SCN1A: variants seen among roughly 807,000 people sequenced by gnomAD.
SCN1A encodes the protein sodium channel protein type 1 subunit alpha.
In SCN1A, 13 loss-of-function variants were observed where a neutral mutation model predicts 193.7. The observed-to-expected ratio is 0.07, with a 90% CI of 0.04 to 0.11. The LOEUF is 0.11. Ranked by LOEUF, SCN1A falls within the 10% of genes least tolerant of loss-of-function variation. SCN1A has a pLI of 1.00. For synonymous variants in SCN1A, 781 were observed against 843.6 expected (o/e 0.93, Z 1.29); for missense variants, 1,432 against 2,451.1 (o/e 0.58, Z 8.78).
At chr2:166,048,190 TTC>T (rs1381097989) in intron 10 of SCN1A, among the ~76,000 whole-genome samples, 3 of 152,104 alleles carry the variant, frequency 2.0e-5, no homozygotes, top group African/African-American at 7.2e-5. Context: ...ATAGATATTT[TTC>T]TCTTTTTTTA....
At chr2:165,994,028 T>G (rs1689652648) in intron 28 of SCN1A, 118 bp downstream of exon 28, 9 of 839,334 alleles carry the variant, frequency 1.1e-5, no homozygotes, top group Non-Finnish European at 1.3e-5. Context: ...TTGGATAAAA[T>G]GTATCAAAAT....
intron 1 of SCN1A, among the ~76,000 whole-genome samples, chr2:166,139,686 A>G (rs577005164): frequency 1.4e-4 from 21 of 152,238 alleles, no homozygotes; most frequent in Non-Finnish European, 2.5e-4. Flanking sequence ...CACATCTTAC[A>G]TGGCAGCAGG....
intron 18 of SCN1A, 121 bp downstream of exon 18, chr2:166,037,654 TC>T: frequency 1.1e-5 from 9 of 791,746 alleles, no homozygotes; most frequent in South Asian, 1.0e-4. Context: ...TAAATTATAC[TC>T]TTTTTTTTTA....
chr2:166,135,381 G>C (rs966430244), intron 1 of SCN1A, among the ~76,000 whole-genome samples: 23 of 142,168 alleles, frequency 1.6e-4, no homozygotes, highest in Non-Finnish European at 2.9e-4. Flanking sequence ...CAAATATGTA[G>C]TTTCTGTTTC....
chr2:165,991,789 G>A lies in SCN1A; in HGVS notation c.5486C>T (p.Ser1829Phe). The A allele has an allele frequency of 1.2e-6, 2 of 1,613,952 alleles. No individual in the cohort carries two copies. The highest frequency in any genetic ancestry group is 1.7e-6 in the Non-Finnish European group (2 of 1,179,930). The change falls in exon 29 of 29, where the codon TCT becomes TTT. Residue 1829 changes from serine (S) to phenylalanine (F), a missense_variant. Transcript: ENST00000674923. ...CGGTTCAAGCGCAGCTGCAAACTGA[G>A]ATAATTTTTCAAATTCCATGAACTG... ...ATQFMEFEKLSQFAAALEPPL... is the reference protein window; with the variant it reads ...ATQFMEFEKLFQFAAALEPPL...
intron 19 of SCN1A, among the ~76,000 whole-genome samples, chr2:166,027,716 A>G (rs1243081393): frequency 1.3e-5 from 2 of 151,990 alleles, no homozygotes; most frequent in Non-Finnish European, 2.9e-5. Flanking sequence ...GTACTTTACT[A>G]TTGTGACACA....
intron 19 of SCN1A, among the ~76,000 whole-genome samples, chr2:166,019,843 A>C (rs1408023584): frequency 6.6e-6 from 1 of 152,056 alleles, no homozygotes; most frequent in Non-Finnish European, 1.5e-5. Context: ...TTTTCAACTT[A>C]GAGTTCCAAC....
intron 2 of SCN1A, among the ~76,000 whole-genome samples, chr2:166,123,801 G>A (rs965629316): frequency 2.6e-5 from 4 of 152,080 alleles, no homozygotes; most frequent in African/African-American, 9.7e-5. Flanking sequence ...GTCGGGGGCA[G>A]TTAGAGCCCT....
chr2:166,138,769 C>T (rs1229967979), intron 1 of SCN1A, among the ~76,000 whole-genome samples: 2 of 152,132 alleles, frequency 1.3e-5, no homozygotes, highest in Non-Finnish European at 2.9e-5. Flanking sequence ...CACCATCCTC[C>T]AGACCCCAGA....
intron 2 of SCN1A, among the ~76,000 whole-genome samples, chr2:166,116,875 C>G (rs1230838611): frequency 6.6e-6 from 1 of 152,032 alleles, no homozygotes; most frequent in Non-Finnish European, 1.5e-5. Flanking sequence ...AACCATATTT[C>G]TAAAAGAAAA....
upstream of SCN1A, among the ~76,000 whole-genome samples, chr2:166,128,999 T>C (rs919536458): frequency 4.0e-5 from 6 of 151,320 alleles, no homozygotes; most frequent in African/African-American, 1.5e-4. Context: ...AGTAAATATT[T>C]CATCCTCATT....
intron 28 of SCN1A, 103 bp downstream of exon 28, chr2:165,994,043 A>T: frequency 2.2e-6 from 2 of 928,480 alleles, no homozygotes; most frequent in Non-Finnish European, 3.3e-6. Context: ...CAAAATATTT[A>T]CAGTGATTAT....
chr2:166,072,843 T>TC (rs1352843843), intron 4 of SCN1A, among the ~76,000 whole-genome samples: 172 of 123,938 alleles, frequency 1.4e-3, no homozygotes, highest in African/African-American at 7.8e-3. Flanking sequence ...CTTTCTTTTT[T>TC]TTTTTTTTTT....
chr2:166,042,185 CTTT>C, intron 15 of SCN1A, 104 bp downstream of exon 15: 1 of 1,093,982 alleles, frequency 9.1e-7, no homozygotes. Flanking sequence ...ATTAGACTGT[CTTT>C]TCATTAGAAT....
downstream of SCN1A, chr2:165,985,783 A>T (rs1256795012): frequency 6.6e-6 from 1 of 152,180 alleles, no homozygotes; most frequent in African/African-American, 2.4e-5. Context: ...TCCATGTGCC[A>T]GGAAGAATAG....
intron 19 of SCN1A, among the ~76,000 whole-genome samples, chr2:166,030,037 C>A (rs1208414760): frequency 6.6e-6 from 1 of 152,154 alleles, no homozygotes; most frequent in African/African-American, 2.4e-5. Flanking sequence ...GCCCAATGTG[C>A]AGTGATTGGA....
intron 2 of SCN1A, among the ~76,000 whole-genome samples, chr2:166,124,755 C>T (rs1281315390): frequency 3.3e-5 from 5 of 152,160 alleles, no homozygotes; most frequent in Admixed American, 1.3e-4. Context: ...ACACAGACGC[C>T]ATGGCCACGG....
intron 2 of SCN1A, among the ~76,000 whole-genome samples, chr2:166,105,984 G>A (rs1438974126): frequency 1.3e-5 from 2 of 152,092 alleles, no homozygotes; most frequent in African/African-American, 4.8e-5. Context: ...TCAGGAGATC[G>A]AGACCATCCT....
At chr2:166,121,497 CATT>C (rs1481396403) in intron 2 of SCN1A, among the ~76,000 whole-genome samples, 2 of 152,118 alleles carry the variant, frequency 1.3e-5, no homozygotes, top group African/African-American at 2.4e-5. Context: ...GTAAATGTGA[CATT>C]ATAGGCACAG....
Sources: allele counts gnomAD v4.1 joint callset (sites outside exome capture counted in the v4.1 genomes callset), GRCh38; gene constraint gnomAD v4.1.1; transcripts MANE v1.5; gene names NCBI Gene and HGNC (gene_info 2026-07-23, HGNC 2026-07-21).